The following LYSMD2 variants were observed in gnomAD, a reference collection of about 807,000 sequenced individuals.
LYSMD2 encodes the protein lysM and putative peptidoglycan-binding domain-containing protein 2.
A neutral mutation model predicts 17.7 loss-of-function variants in LYSMD2; 6 were observed. That is an observed-to-expected ratio of 0.34 (90% CI 0.19 to 0.67). The LOEUF is 0.67. LYSMD2 is among the 30% of genes least tolerant of loss of function. The pLI is 0.69. For missense variants in LYSMD2, 237 were observed against 286.7 expected (o/e 0.83, Z 1.25); for synonymous variants, 102 against 129.8 (o/e 0.79, Z 1.45).
upstream of LYSMD2, among the ~76,000 whole-genome samples, chr15:51,741,688 C>A (rs185923422): frequency 1.1e-4 from 16 of 152,068 alleles, no homozygotes; most frequent in African/African-American, 3.9e-4. Flanking sequence ...GGAAGGCCAA[C>A]GCAGGTGGAT....
At chr15:51,726,737 C>G (rs971000565) in intron 1 of LYSMD2, among the ~76,000 whole-genome samples, 1 of 152,228 alleles carries the variant, frequency 6.6e-6, no homozygotes, top group African/African-American at 2.4e-5. Context: ...CCAAGATCCA[C>G]TAAACTCCAC....
intron 1 of LYSMD2, among the ~76,000 whole-genome samples, chr15:51,743,496 G>A (rs1345190189): frequency 6.6e-6 from 1 of 152,180 alleles, no homozygotes; most frequent in Non-Finnish European, 1.5e-5. Context: ...TTTGTCTATT[G>A]TTTCAAGAAT....
chr15:51,731,447 T>C (rs1346840884), intron 1 of LYSMD2, among the ~76,000 whole-genome samples: 1 of 152,218 alleles, frequency 6.6e-6, no homozygotes, highest in African/African-American at 2.4e-5. Flanking sequence ...ACAATGTTTA[T>C]TCCCCCAAAA....
chr15:51,727,543 C>G (rs972213414), intron 1 of LYSMD2, among the ~76,000 whole-genome samples: 7 of 152,224 alleles, frequency 4.6e-5, no homozygotes, highest in African/African-American at 1.7e-4. Context: ...GCCACATCCT[C>G]TGAGAGTGTT....
chr15:51,724,663 A>G (rs2055525538), intron 2 of LYSMD2, 127 bp downstream of exon 2: 1 of 566,896 alleles, frequency 1.8e-6, no homozygotes, highest in African/African-American at 2.0e-5. Flanking sequence ...AGAAAAAAAG[A>G]AAAAAAATCA....
At position 51,737,562 on chromosome 15, in the gene LYSMD2, A is replaced by AGGGCCGCGGCGCGCGG; in HGVS notation, c.45_60dup (p.Ser21ProfsTer81). The AGGGCCGCGGCGCGCGG allele has an allele frequency of 8.2e-7, 1 of 1,221,190 alleles. No individual in the cohort carries two copies. Among genetic ancestry groups the AGGGCCGCGGCGCGCGG allele is most frequent in the Non-Finnish European group, 1.0e-6 (1 of 983,388 alleles). The allele number at this position is 1,221,190 out of a possible 1,614,324, so 75.6% of individuals were successfully genotyped here. ...GAGCGCGGCGGCGGCGAGGGGGCCG[A>AGGGCCGCGGCGCGCGG]GGGCCGCGGCGCGCGGGGGCCGCCT... On this transcript the variant is annotated frameshift_variant, in exon 1 of 3. Coordinates refer to ENST00000267838, the MANE Select transcript of LYSMD2 (RefSeq NM_153374.3). LOFTEE classifies it high-confidence loss of function. This position sits in a 1 kb window ranked among gnomAD's most constrained non-coding sequence, Gnocchi z 4.2.
Position 51,745,006 on chromosome 15 carries a change from ATAACT to A in LYSMD2, c.-1+6260_-1+6264del, listed in dbSNP as rs1405205441. ...GAACAACTGTGTGACAACAAATTAG[ATAACT>A]TAAATAAAGTGAATGAATTCCTAGA... On this transcript the variant is annotated intron_variant, in intron 1 of 2. Coordinates refer to the LYSMD2 transcript ENST00000454181. Among the ~76,000 whole-genome samples, 4 of 152,174 alleles carry A rather than the reference ATAACT, an allele frequency of 2.6e-5. No individual in the cohort carries two copies. The East Asian group carries it at 7.7e-4, about 29-fold the overall frequency.
Position 51,723,524 on chromosome 15 carries a change from G to T in LYSMD2, c.*83C>A. On this transcript the variant is annotated 3_prime_UTR_variant, in exon 3 of 3. Coordinates refer to ENST00000267838, the MANE Select transcript of LYSMD2 (RefSeq NM_153374.3). ...GATGGACACTATAGGAATCCAGAAG[G>T]GATGTTTTTGAATCTTCAGTTGTTG... The T allele has an allele frequency of 9.1e-7, 1 of 1,094,960 alleles. No homozygotes were observed. Among genetic ancestry groups the T allele is most frequent in the Non-Finnish European group, 1.4e-6 (1 of 710,688 alleles). 67.8% of individuals were successfully genotyped at this position (1,094,960 alleles called of 1,614,324 possible).
In LYSMD2 at chr15:51,723,502, GGACACT is replaced by G; in HGVS notation, c.*99_*104del. On this transcript the variant is annotated 3_prime_UTR_variant, in exon 3 of 3. Transcript: ENST00000267838. ...AACTACCTAGTTATGATTTTAAGAT[GGACACT>G]ATAGGAATCCAGAAGGGATGTTTTT... 1 of 900,740 alleles carries G rather than the reference GGACACT, an allele frequency of 1.1e-6. No homozygotes were observed. The highest frequency in any genetic ancestry group is 1.8e-6 in the Non-Finnish European group (1 of 541,768). 55.8% of individuals were successfully genotyped at this position (900,740 alleles called of 1,614,324 possible).
At chr15:51,740,976 T>C (rs1567230501), upstream of LYSMD2, among the ~76,000 whole-genome samples, 1 of 152,266 alleles carries the variant, frequency 6.6e-6, no homozygotes, top group Non-Finnish European at 1.5e-5. Context: ...TACAAACTAA[T>C]GTTAAATTCA....
intron 1 of LYSMD2, among the ~76,000 whole-genome samples, chr15:51,732,940 C>G (rs926569868): frequency 6.6e-6 from 1 of 152,204 alleles, no homozygotes; most frequent in Non-Finnish European, 1.5e-5. Flanking sequence ...CCAGAGTGAT[C>G]GTTTTAATAC....
chr15:51,744,831 G>T (rs1028779222), intron 1 of LYSMD2, among the ~76,000 whole-genome samples: 1 of 151,970 alleles, frequency 6.6e-6, no homozygotes, highest in Non-Finnish European at 1.5e-5. Flanking sequence ...ATCCAAAAGT[G>T]TATTCTTTGA....
chr15:51,740,458 GC>G (rs1243377452), upstream of LYSMD2, among the ~76,000 whole-genome samples: 1 of 152,232 alleles, frequency 6.6e-6, no homozygotes, highest in African/African-American at 2.4e-5. Flanking sequence ...AGAAAAGGAA[GC>G]CTATTACTGC....
intron 1 of LYSMD2, among the ~76,000 whole-genome samples, chr15:51,735,095 G>A (rs1162979817): frequency 6.6e-6 from 1 of 152,030 alleles, no homozygotes; most frequent in Non-Finnish European, 1.5e-5. Context: ...GATCACTTGA[G>A]CAGCGGCAGC....
intron 1 of LYSMD2, among the ~76,000 whole-genome samples, chr15:51,729,588 A>G (rs2055563832): frequency 6.6e-6 from 1 of 152,164 alleles, no homozygotes; most frequent in Admixed American, 6.5e-5. Context: ...CCTCCCAAGT[A>G]GCTGGGATTA....
chr15:51,736,971 T>C (rs1424733522), intron 1 of LYSMD2, among the ~76,000 whole-genome samples: 1 of 152,206 alleles, frequency 6.6e-6, no homozygotes, highest in African/African-American at 2.4e-5. Context: ...TATAGAGTAG[T>C]GTGATGGGGC....
intron 1 of LYSMD2, among the ~76,000 whole-genome samples, chr15:51,742,834 T>A (rs918190287): frequency 2.0e-5 from 3 of 152,178 alleles, no homozygotes; most frequent in African/African-American, 7.2e-5. Flanking sequence ...TGGTGGCACA[T>A]GCCTGTAGTC....
At chr15:51,739,057 C>CT (rs1278240562), upstream of LYSMD2, among the ~76,000 whole-genome samples, 1 of 152,166 alleles carries the variant, frequency 6.6e-6, no homozygotes, top group East Asian at 1.9e-4. Context: ...TTGTTTAAAT[C>CT]TTTAAGGTCT....
intron 1 of LYSMD2, among the ~76,000 whole-genome samples, chr15:51,749,885 C>T (rs753914799): frequency 6.6e-6 from 1 of 152,384 alleles, no homozygotes; most frequent in East Asian, 1.9e-4. Flanking sequence ...TCATTTAACT[C>T]TTTCTGGCTC....
Sources: gnomAD v4.1 joint callset for allele counts (sites outside exome capture counted in the v4.1 genomes callset) on GRCh38, gnomAD v4.1.1 for gene constraint, Gnocchi (gnomAD v3.1) non-coding constraint, MANE v1.5 for transcripts, NCBI Gene and HGNC (gene_info 2026-07-23, HGNC 2026-07-21) for gene names.